Variants in INF2 observed in about 807,000 individuals in gnomAD.
INF2 encodes inverted formin-2.
INF2 carries 43 observed loss-of-function variants against 123.5 expected under a neutral mutation model. That is an observed-to-expected ratio of 0.35 (90% CI 0.27 to 0.45). INF2 has a LOEUF of 0.45. Among genes scored for constraint, INF2 ranks in the 20% least tolerant of loss-of-function variants. The pLI is 1.00. For synonymous variants in INF2, 851 were observed against 745.0 expected (o/e 1.14, Z -2.32); for missense variants, 1,453 against 1,682.7 (o/e 0.86, Z 2.39).
intron 2 of INF2, among the ~76,000 whole-genome samples, chr14:104,702,363 A>G (rs564886624): frequency 1.3e-5 from 2 of 151,916 alleles, no homozygotes; most frequent in South Asian, 4.1e-4. Flanking sequence ...TGCGTCCTCC[A>G]AGGTCCTGCG....
In INF2 at chr14:104,712,699, G is replaced by A. The variant is rs768888566; in HGVS notation, c.2611-129G>A. 9.2e-5 allele frequency: 137 copies of A among 1,482,652 alleles called. 1 individual carries two copies. The highest frequency in any genetic ancestry group is 5.7e-4 in the Middle Eastern group (3 of 5,306). The allele number at this position is 1,482,652 out of a possible 1,614,324, so 91.8% of individuals were successfully genotyped here. A position where few individuals can be genotyped will look rare whatever the true frequency, so the allele number is the denominator to read the frequency against. ...GTGCATGGTCAGGGCACAGGCCCCT[G>A]CTCCTTGTCAGAGACCACCGTCCTC... is the stretch of plus-strand genomic sequence containing the variant. On this transcript the variant is annotated intron_variant, in intron 17 of 22. Transcript: ENST00000392634.
rs1166796640 is a variant in INF2 at position 104,722,307 on chromosome 14, G to C, written c.*3514G>C. 1 of 152,266 alleles carries C rather than the reference G, an allele frequency of 6.6e-6. No individual in the cohort carries two copies. The highest frequency in any genetic ancestry group is 6.5e-5 in the Admixed American group (1 of 15,268). 9.4% of individuals were successfully genotyped at this position (152,266 alleles called of 1,614,324 possible). The stretch of plus-strand genomic sequence containing the variant: ...GAGTCACTAGCGTTCGCCTCTGCAG[G>C]GTCAGTCCAAGCCCCCTTAGTGAGG... On this transcript the variant is annotated 3_prime_UTR_variant, in exon 23 of 23. Coordinates refer to ENST00000392634, the MANE Select transcript of INF2 (RefSeq NM_022489.4).
Position 104,701,403 on chromosome 14 carries a change from C to A in INF2, c.38C>A (p.Ala13Glu). 6.3e-7 allele frequency: 1 copy of A among 1,593,372 alleles called. No individual in the cohort carries two copies. Among genetic ancestry groups the A allele is most frequent in the East Asian group, 2.3e-5 (1 of 43,822 alleles). The change falls in exon 2 of 23, where the codon GCG becomes GAG. Residue 13 changes from alanine (A) to glutamate (E), a missense_variant. Ala to Glu is a moderately radical substitution (Grantham distance 107). Around this residue, in one of 8 missense-constraint regions of INF2, gnomAD observed 43 missense variants for 44.7 expected, o/e 0.96. Transcript: ENST00000392634. Reference protein sequence around the residue: ...VKEGAQRKWAALKEKLGPQDS... With the variant: ...VKEGAQRKWAELKEKLGPQDS... ...GAGGGCGCACAGCGCAAGTGGGCAG[C>A]GCTGAAGGAGAAGCTGGGGCCACAG...
At chr14:104,717,863 C>T (rs531575555) in intron 22 of INF2, among the ~76,000 whole-genome samples, 88 of 151,978 alleles carry the variant, frequency 5.8e-4, no homozygotes, top group African/African-American at 2.0e-3. Flanking sequence ...CGCCGCCCCT[C>T]GTCCGAGCGT....
At chr14:104,685,863 A>G (rs1156561087), upstream of INF2, among the ~76,000 whole-genome samples, 4 of 104,518 alleles carry the variant, frequency 3.8e-5, no homozygotes, top group East Asian at 3.3e-4. Context: ...GGGTGGATGG[A>G]TGGATGGGTG....
At chr14:104,701,845 A>T in intron 2 of INF2, 89 bp downstream of exon 2, 1 of 1,359,488 alleles carries the variant, frequency 7.4e-7, no homozygotes, top group Non-Finnish European at 9.7e-7. Flanking sequence ...AGGCCTGGGG[A>T]ACCACCAGGA....
At chr14:104,701,809 A>C in intron 2 of INF2, 53 bp downstream of exon 2, 3 of 1,438,828 alleles carry the variant, frequency 2.1e-6, no homozygotes, top group Non-Finnish European at 2.7e-6. Context: ...ACCTGGTATG[A>C]GGCTTCAGGC....
intron 12 of INF2, 67 bp from the exon 13 acceptor site, chr14:104,710,021 T>C: frequency 1.5e-6 from 2 of 1,329,400 alleles, no homozygotes; most frequent in South Asian, 1.3e-5. Flanking sequence ...AGCCCTGTGC[T>C]GAGTGCCCCT....
rs1458813335 is a variant in INF2, at chr14:104,714,968, G to A, written c.3694+112G>A. On this transcript the variant is annotated intron_variant, in intron 21 of 22. Transcript: ENST00000392634. The stretch of plus-strand genomic sequence containing the variant: ...AGTTCCAGCGGCACCCAGGAGAGGT[G>A]ACTTGGGTGCGGCACGGGAGAGGAG... 8.3e-6 allele frequency: 10 copies of A among 1,206,758 alleles called. No homozygotes were observed. The East Asian group carries it at 2.6e-4, about 31-fold the overall frequency. 74.8% of individuals were successfully genotyped at this position (1,206,758 alleles called of 1,614,324 possible). A position where few individuals can be genotyped will look rare whatever the true frequency, so the allele number is the denominator to read the frequency against.
chr14:104,683,312 G>A (rs1300381218), intron 1 of INF2, among the ~76,000 whole-genome samples: 1 of 152,178 alleles, frequency 6.6e-6, no homozygotes, highest in Non-Finnish European at 1.5e-5. Context: ...CCTCCTACGT[G>A]CCTCAGCCTG....
At chr14:104,692,473 G>A (rs545399837) in intron 1 of INF2, among the ~76,000 whole-genome samples, 91 of 152,304 alleles carry the variant, frequency 6.0e-4, no homozygotes, top group African/African-American at 2.0e-3. Context: ...GGAGGCCGAG[G>A]CCCCCCAGCC....
At chr14:104,713,031 G>A (rs1170517476) in intron 18 of INF2, 39 bp downstream of exon 18, 11 of 1,610,824 alleles carry the variant, frequency 6.8e-6, no homozygotes, top group African/African-American at 1.3e-5. Flanking sequence ...TCTGGCTAGA[G>A]TGGGGTCCCG....
upstream of INF2, among the ~76,000 whole-genome samples, chr14:104,686,481 G>C (rs75763047): frequency 2.6e-5 from 4 of 151,958 alleles, no homozygotes; most frequent in African/African-American, 9.7e-5. Context: ...TGAAGTGTGG[G>C]TGTGTGTGGG....
intron 1 of INF2, among the ~76,000 whole-genome samples, chr14:104,700,130 G>T (rs1029732870): frequency 6.6e-6 from 1 of 152,158 alleles, no homozygotes; most frequent in South Asian, 2.1e-4. Flanking sequence ...CTCAGCTCCC[G>T]TGACCTCAAA....
intron 22 of INF2, among the ~76,000 whole-genome samples, chr14:104,718,349 G>C (rs1167499519): frequency 1.3e-5 from 2 of 152,204 alleles, no homozygotes; most frequent in African/African-American, 4.8e-5. Context: ...GAGCTGTTGG[G>C]GCAGGGCTGA....
chr14:104,699,515 A>G lies in INF2; in HGVS notation c.-9-1842A>G, dbSNP rs1889369653. On this transcript the variant is annotated intron_variant, in intron 1 of 22. Coordinates refer to ENST00000392634, the MANE Select transcript of INF2 (RefSeq NM_022489.4). This position sits in a 1 kb window ranked among gnomAD's most constrained non-coding sequence, Gnocchi z 4.7. The stretch of plus-strand genomic sequence containing the variant: ...GGCAGCTCAGCGGTCAGCAGCGATG[A>G]GAAGCCAGGGGAGCGTGAGGAGCAG... 1 of 985,242 alleles carries G rather than the reference A, an allele frequency of 1.0e-6. No homozygotes were observed. Among genetic ancestry groups the G allele is most frequent in the Admixed American group, 6.1e-5 (1 of 16,280 alleles). The allele number at this position is 985,242 out of a possible 1,614,324, so 61.0% of individuals were successfully genotyped here. A position where few individuals can be genotyped will look rare whatever the true frequency, so the allele number is the denominator to read the frequency against.
rs750216556 is a variant in INF2 at position 104,706,948 on chromosome 14, G to A, written c.882G>A (p.Val294=). 6.2e-7 allele frequency: 1 copy of A among 1,603,250 alleles called. No individual in the cohort carries two copies. The highest frequency in any genetic ancestry group is 1.7e-5 in the Admixed American group (1 of 59,920). The part of the protein sequence containing the change: ...CSPVSAQLLS[V]LQGLLHLEPT... ...CGGTGTCTGCCCAGCTCCTGTCGGT[G>A]CTGCAGGGCCTCCTGCACCTGGAGC... Residue 294 remains valine (V), a synonymous_variant, in exon 7 of 23, where the codon GTG becomes GTA. Transcript: ENST00000392634.
intron 10 of INF2, 49 bp downstream of exon 10, chr14:104,708,781 A>C (rs942538725): frequency 1.3e-6 from 2 of 1,587,876 alleles, no homozygotes; most frequent in Non-Finnish European, 1.7e-6. Flanking sequence ...CCTCGCCTCC[A>C]CCTGAGCCTT....
Position 104,703,292 on chromosome 14 carries a change from C to G in INF2, c.508-3C>G. ...GTGTGCCCTGACCCCGCCCTCCCCA[C>G]AGACGGTGTGCAGCCAGCAGTACCG... is the stretch of plus-strand genomic sequence containing the variant. On this transcript the variant is annotated splice_region_variant and splice_polypyrimidine_tract_variant and intron_variant, in intron 3 of 22. Transcript: ENST00000392634. The G allele has an allele frequency of 6.2e-7, 1 of 1,613,066 alleles. No homozygotes were observed. The highest frequency in any genetic ancestry group is 8.5e-7 in the Non-Finnish European group (1 of 1,179,930).
Sources: allele counts gnomAD v4.1 joint callset (sites outside exome capture counted in the v4.1 genomes callset), GRCh38; gene constraint gnomAD v4.1.1; regional missense constraint gnomAD v4.1.1; non-coding constraint Gnocchi (gnomAD v3.1); transcripts MANE v1.5; gene names NCBI Gene and HGNC (gene_info 2026-07-23, HGNC 2026-07-21).